BDH1: variants seen among roughly 807,000 people sequenced by gnomAD.
BDH1 encodes D-beta-hydroxybutyrate dehydrogenase, mitochondrial.
A neutral mutation model predicts 33.1 loss-of-function variants in BDH1; 30 were observed. That is an observed-to-expected ratio of 0.91 (90% CI 0.68 to 1.23). BDH1 has a LOEUF of 1.23. Among genes scored for constraint, BDH1 ranks in the 50% most tolerant of loss-of-function variants. The pLI, the probability that BDH1 is intolerant of heterozygous loss-of-function variation, is 0.00. For missense variants in BDH1, 443 were observed against 464.4 expected (o/e 0.95, Z 0.42); for synonymous variants, 190 against 183.6 (o/e 1.03, Z -0.28).
At chr3:197,568,869 G>A (rs1314088564) in intron 1 of BDH1, among the ~76,000 whole-genome samples, 1 of 152,012 alleles carries the variant, frequency 6.6e-6, no homozygotes, top group Non-Finnish European at 1.5e-5. Flanking sequence ...CTCACTGATT[G>A]TGCTATATTC....
In BDH1 at chr3:197,533,491, G is replaced by T. The variant is rs1354163597; in HGVS notation, c.154C>A (p.Pro52Thr). Residue 52 changes from proline (P) to threonine (T), a missense_variant and splice_region_variant, in exon 4 of 8, where the codon CCG (proline) becomes ACG (threonine). Pro to Thr is a conservative substitution (Grantham distance 38, BLOSUM62 -1). Transcript: ENST00000392379. ...CGGGTAGCTGGGCTTCCACTCACCG[G>T]CTCCGCCGCACTGGCATAAGTCCGA... ...GRRTYASAAE[P>T]VGSKAVLVTG... 3 of 1,614,224 alleles carry T rather than the reference G, an allele frequency of 1.9e-6. No homozygotes were observed. The highest frequency in any genetic ancestry group is 1.7e-5 in the Admixed American group (1 of 60,030).
At chr3:197,564,139 G>GT (rs531344460) in intron 1 of BDH1, among the ~76,000 whole-genome samples, 10 of 147,110 alleles carry the variant, frequency 6.8e-5, no homozygotes, top group South Asian at 2.1e-4. Context: ...AAATAAAGAG[G>GT]TTTTTTTTGG....
At chr3:197,570,133 C>G (rs1316968059) in intron 1 of BDH1, among the ~76,000 whole-genome samples, 1 of 152,194 alleles carries the variant, frequency 6.6e-6, no homozygotes, top group Non-Finnish European at 1.5e-5. Flanking sequence ...AGACTGGCAG[C>G]ATTTTGCCCC....
In BDH1 at chr3:197,525,673, C is replaced by T. The variant is rs151172243; in HGVS notation, c.268-2892G>A. 4.0e-3 allele frequency among the ~76,000 whole-genome samples: 611 copies of T among 152,328 alleles called. 7 individuals carry two copies. Among genetic ancestry groups the T allele is most frequent in the South Asian group, 0.015 (71 of 4,830 alleles). On this transcript the variant is annotated intron_variant, in intron 5 of 7. Coordinates refer to ENST00000392379, the MANE Select transcript of BDH1 (RefSeq NM_203314.3). The surrounding 1 kb of genome is among the most constrained non-coding windows in gnomAD (Gnocchi z 4.9). Reference sequence around the variant, plus strand: ...CTCCACACCCTGCTCCTGACAACCACGCCAATAGGGACAGAAACTACCAAT... The same window carrying T: ...CTCCACACCCTGCTCCTGACAACCATGCCAATAGGGACAGAAACTACCAAT...
At position 197,525,810 on chromosome 3, in the gene BDH1, G is replaced by A. The variant is rs1046279728; in HGVS notation, c.268-3029C>T. Among the ~76,000 whole-genome samples the A allele has an allele frequency of 2.6e-5, 4 of 152,160 alleles. No individual in the cohort carries two copies. The highest frequency in any genetic ancestry group is 6.5e-5 in the Admixed American group (1 of 15,272). On this transcript the variant is annotated intron_variant, in intron 5 of 7. Coordinates refer to ENST00000392379, the MANE Select transcript of BDH1 (RefSeq NM_203314.3). The surrounding 1 kb of genome is among the most constrained non-coding windows in gnomAD (Gnocchi z 4.9). ...CCTGTCCTCAGGCCAAGACTGCCCC[G>A]CAGGCCACACCACCTCCCTGGACCC...
intron 3 of BDH1, chr3:197,538,648 G>A (rs71325619): frequency 0.041 from 9,074 of 222,056 alleles, 287 homozygotes; most frequent in Non-Finnish European, 0.056. Context: ...CACGGCGCCC[G>A]GCCTGCCATT....
intron 1 of BDH1, among the ~76,000 whole-genome samples, chr3:197,571,451 A>G (rs949263891): frequency 6.6e-6 from 1 of 152,220 alleles, no homozygotes; most frequent in African/African-American, 2.4e-5. Context: ...TATAGCTACC[A>G]TAATTCCCAT....
chr3:197,553,546 A>G (rs1371735080), intron 2 of BDH1, among the ~76,000 whole-genome samples: 2 of 138,238 alleles, frequency 1.4e-5, no homozygotes, highest in East Asian at 4.0e-4. Context: ...AAAAAAAAAA[A>G]GAAGAGTTTT....
chr3:197,539,088 G>C (rs921399263), intron 3 of BDH1: 3 of 152,218 alleles, frequency 2.0e-5, no homozygotes, highest in African/African-American at 7.2e-5. Context: ...TGTGGGCTGA[G>C]CTAGCTTTGG....
At chr3:197,567,154 G>C (rs1039297651) in intron 1 of BDH1, among the ~76,000 whole-genome samples, 1 of 152,006 alleles carries the variant, frequency 6.6e-6, no homozygotes, top group Non-Finnish European at 1.5e-5. Flanking sequence ...ACCTATCTAG[G>C]AATAAACCAT....
At chr3:197,561,738 C>T (rs1166102347) in intron 1 of BDH1, among the ~76,000 whole-genome samples, 1 of 151,978 alleles carries the variant, frequency 6.6e-6, no homozygotes, top group Non-Finnish European at 1.5e-5. Flanking sequence ...GTAACAAAGC[C>T]TTTCTAATCT....
At chr3:197,558,165 C>T (rs1048924407), upstream of BDH1, among the ~76,000 whole-genome samples, 3 of 152,230 alleles carry the variant, frequency 2.0e-5, no homozygotes, top group Non-Finnish European at 4.4e-5. Context: ...CCCAGCCCAG[C>T]TTTGCTGTGA....
intron 6 of BDH1, among the ~76,000 whole-genome samples, chr3:197,517,289 C>A (rs113629831): frequency 1.9e-5 from 2 of 105,374 alleles, no homozygotes; most frequent in Admixed American, 1.9e-4. Context: ...CTCCATCCCC[C>A]CCTCAGGCCG....
Position 197,528,301 on chromosome 3 carries a change from TGA to T in BDH1, c.267+4109_267+4110del, listed in dbSNP as rs778246735. On this transcript the variant is annotated intron_variant, in intron 5 of 7. Transcript: ENST00000392379. This position sits in a 1 kb window ranked among gnomAD's most constrained non-coding sequence, Gnocchi z 5.1. ...GTGTAGGTCTGTATGAGTGAGTGAG[TGA>T]GTGTGTGTGTGTGTGTGTGTGTGTG... 62 of 136,798 alleles carry T rather than the reference TGA, an allele frequency of 4.5e-4. No homozygotes were observed. The highest frequency in any genetic ancestry group is 3.7e-3 in the Middle Eastern group (1 of 268). The allele number at this position is 136,798 out of a possible 1,614,324, so 8.5% of individuals were successfully genotyped here.
At chr3:197,532,355 T>C (rs1482477244) in intron 5 of BDH1, 57 bp downstream of exon 5, 3 of 1,506,246 alleles carry the variant, frequency 2.0e-6, no homozygotes, top group Non-Finnish European at 2.8e-6. Context: ...TTTAAAAGAC[T>C]AAAAAACAAT....
At chr3:197,571,695 C>G (rs1191733925) in intron 1 of BDH1, among the ~76,000 whole-genome samples, 2 of 152,218 alleles carry the variant, frequency 1.3e-5, no homozygotes, top group African/African-American at 4.8e-5. Context: ...CATTAAACCT[C>G]TTTTTCTTTA....
chr3:197,515,797 G>C, intron 6 of BDH1: 1 of 876,620 alleles, frequency 1.1e-6, no homozygotes. Context: ...CCAGCTACTC[G>C]GGAGGCTGAG....
chr3:197,517,169 A>C (rs1712825206), intron 6 of BDH1, among the ~76,000 whole-genome samples: 2 of 149,536 alleles, frequency 1.3e-5, no homozygotes, highest in East Asian at 2.0e-4. Flanking sequence ...TCACTCCTCC[A>C]CCTCCGTCTT....
chr3:197,534,555 C>T (rs1473081412), intron 3 of BDH1, among the ~76,000 whole-genome samples: 8 of 152,120 alleles, frequency 5.3e-5, no homozygotes, highest in Non-Finnish European at 8.8e-5. Context: ...CAGGTTTTTG[C>T]GCAAACGTTG....
Sources: allele counts gnomAD v4.1 joint callset (sites outside exome capture counted in the v4.1 genomes callset), GRCh38; gene constraint gnomAD v4.1.1; non-coding constraint Gnocchi (gnomAD v3.1); transcripts MANE v1.5; gene names NCBI Gene and HGNC (gene_info 2026-07-23, HGNC 2026-07-21).